DACH2: variants seen among roughly 807,000 people sequenced by gnomAD.
DACH2 encodes the protein dachshund homolog 2.
A neutral mutation model predicts 35.8 loss-of-function variants in DACH2; 17 were observed. That is an observed-to-expected ratio of 0.48 (90% CI 0.33 to 0.71). The LOEUF is 0.71. DACH2 is among the 30% of genes least tolerant of loss of function. The pLI, the probability that DACH2 is intolerant of heterozygous loss-of-function variation, is 0.02. For missense variants in DACH2, 469 were observed against 472.7 expected, an observed-to-expected ratio of 0.99 and a Z score of 0.07; for synonymous variants, 195 against 177.3, an observed-to-expected ratio of 1.10 and a Z score of -0.79.
chrX:86,160,053 C>A (rs867610952), intron 1 of DACH2, among the ~76,000 whole-genome samples: 24 of 100,953 alleles, frequency 2.4e-4, no homozygotes, highest in Non-Finnish European at 4.1e-4. Context: ...AAAAAAAAAA[C>A]AAAAAAAACA....
At chrX:86,786,432 T>C (rs2042138512) in intron 7 of DACH2, among the ~76,000 whole-genome samples, 1 of 111,692 alleles carries the variant, frequency 9.0e-6, no homozygotes, top group Non-Finnish European at 1.9e-5. Context: ...CCATATGCCT[T>C]TGTGTCATGG....
chrX:86,775,422 C>T (rs1321276449), intron 7 of DACH2, among the ~76,000 whole-genome samples: 1 of 111,235 alleles, frequency 9.0e-6, no homozygotes, highest in Non-Finnish European at 1.9e-5. Flanking sequence ...CATAGGAGTG[C>T]AAGCCCTATT....
chrX:86,192,614 T>C (rs1011969145), intron 1 of DACH2, among the ~76,000 whole-genome samples: 5 of 112,077 alleles, frequency 4.5e-5, no homozygotes, highest in Non-Finnish European at 9.4e-5. Flanking sequence ...TTGCTATAAA[T>C]TGTTAACTTG....
chrX:86,243,395 A>G (rs778935323), intron 1 of DACH2, among the ~76,000 whole-genome samples: 9 of 112,021 alleles, frequency 8.0e-5, no homozygotes, highest in Non-Finnish European at 1.5e-4. Flanking sequence ...TATAATAAGG[A>G]TTTTACTATT....
At chrX:86,485,644 A>G (rs998978083) in intron 2 of DACH2, among the ~76,000 whole-genome samples, 17 of 111,742 alleles carry the variant, frequency 1.5e-4, no homozygotes, top group Non-Finnish European at 3.0e-4. Context: ...TACAATTACT[A>G]TGTCAATTAT....
intron 1 of DACH2, among the ~76,000 whole-genome samples, chrX:86,260,699 A>T (rs1436344515): frequency 1.8e-5 from 2 of 112,002 alleles, no homozygotes; most frequent in African/African-American, 6.5e-5. Context: ...TTTAATCCTT[A>T]TATACCCCTC....
At chrX:86,532,493 T>C (rs1569430680) in intron 3 of DACH2, among the ~76,000 whole-genome samples, 1 of 110,188 alleles carries the variant, frequency 9.1e-6, no homozygotes, top group Non-Finnish European at 1.9e-5. Context: ...TCTCTCTCTC[T>C]CTCTCTCTCT....
Position 86,703,477 on chromosome X carries a change from A to C in DACH2, c.931+8298A>C, listed in dbSNP as rs1258229753. ...ATACAAATAGGAAAAGAGGACGTTA[A>C]AATATCTCTCTTCACTAACAATATG... On this transcript the variant is annotated intron_variant, in intron 5 of 11. Coordinates refer to ENST00000373125, the MANE Select transcript of DACH2 (RefSeq NM_053281.3). Among the ~76,000 whole-genome samples, 3 of 111,452 alleles carry C rather than the reference A, an allele frequency of 2.7e-5. No individual in the cohort carries two copies. In the South Asian group the frequency reaches 1.1e-3, roughly 42 times the overall value.
At chrX:86,656,679 T>C (rs1344054875) in intron 4 of DACH2, among the ~76,000 whole-genome samples, 1 of 108,622 alleles carries the variant, frequency 9.2e-6, no homozygotes, top group Non-Finnish European at 1.9e-5. Context: ...CCTCAAGATC[T>C]ACTCTGGGAA....
At chrX:86,416,056 C>T (rs2036698709) in intron 2 of DACH2, among the ~76,000 whole-genome samples, 1 of 110,972 alleles carries the variant, frequency 9.0e-6, no homozygotes, top group South Asian at 3.8e-4. Context: ...AGGTAGGGGA[C>T]CAAAATGAGA....
chrX:86,517,389 G>A (rs1161279090), intron 3 of DACH2, among the ~76,000 whole-genome samples: 6 of 109,356 alleles, frequency 5.5e-5, no homozygotes, highest in African/African-American at 2.0e-4. Context: ...TCTCCTTTTG[G>A]AAAGTGTCTG....
chrX:86,278,664 A>C (rs1335651330), intron 1 of DACH2, among the ~76,000 whole-genome samples: 1 of 111,932 alleles, frequency 8.9e-6, no homozygotes, highest in Non-Finnish European at 1.9e-5. Context: ...TTTATACCCC[A>C]GTGACACCTG....
intron 1 of DACH2, among the ~76,000 whole-genome samples, chrX:86,306,631 A>C (rs1468785202): frequency 8.9e-6 from 1 of 112,008 alleles, no homozygotes; most frequent in African/African-American, 3.2e-5. Flanking sequence ...CCTAGCCTAC[A>C]TGTGTCTCCT....
chrX:86,795,512 C>T (rs997775545), intron 7 of DACH2, among the ~76,000 whole-genome samples: 12 of 111,945 alleles, frequency 1.1e-4, no homozygotes, highest in African/African-American at 3.9e-4. Context: ...GGATTACAGG[C>T]GTTAGCCACC....
chrX:86,656,437 C>T (rs1289940009), intron 4 of DACH2, among the ~76,000 whole-genome samples: 1 of 110,777 alleles, frequency 9.0e-6, no homozygotes, highest in Non-Finnish European at 1.9e-5. Flanking sequence ...AGAGATCTGG[C>T]ACTGATTCAT....
intron 1 of DACH2, among the ~76,000 whole-genome samples, chrX:86,175,396 A>G (rs984133105): frequency 9.0e-6 from 1 of 111,633 alleles, no homozygotes; most frequent in African/African-American, 3.3e-5. Flanking sequence ...GAAAAGTTTG[A>G]GTGGCATGTG....
intron 1 of DACH2, among the ~76,000 whole-genome samples, chrX:86,153,999 T>C (rs1361573136): frequency 9.0e-6 from 1 of 111,616 alleles, no homozygotes; most frequent in African/African-American, 3.2e-5. Context: ...AATTAGGACA[T>C]GATGGTCTTC....
At chrX:86,322,566 G>A (rs776709409) in intron 1 of DACH2, among the ~76,000 whole-genome samples, 17 of 111,798 alleles carry the variant, frequency 1.5e-4, no homozygotes, top group African/African-American at 5.5e-4. Context: ...AATAGGGCTA[G>A]TCACAATTGC....
intron 7 of DACH2, among the ~76,000 whole-genome samples, chrX:86,789,056 C>T (rs1303968900): frequency 8.9e-6 from 1 of 111,804 alleles, no homozygotes; most frequent in African/African-American, 3.2e-5. Context: ...CCCCCTCAGA[C>T]AAACCTTTAT....
Sources: allele counts gnomAD v4.1 joint callset (sites outside exome capture counted in the v4.1 genomes callset), GRCh38; gene constraint gnomAD v4.1.1; transcripts MANE v1.5; gene names NCBI Gene and HGNC (gene_info 2026-07-23, HGNC 2026-07-21).